The following P4HA1 variants were observed in gnomAD, a reference collection of about 807,000 sequenced individuals.
P4HA1 encodes the protein prolyl 4-hydroxylase subunit alpha 1.
A neutral mutation model predicts 72.8 loss-of-function variants in P4HA1; 24 were observed. That is an observed-to-expected ratio of 0.33 (90% CI 0.24 to 0.46). P4HA1 has a LOEUF of 0.46. Ranked by LOEUF, P4HA1 falls within the 20% of genes least tolerant of loss-of-function variation. The pLI is 1.00. For synonymous variants in P4HA1, 201 were observed against 218.8 expected (o/e 0.92, Z 0.72); for missense variants, 446 against 640.6 (o/e 0.70, Z 3.28).
At chr10:73,084,264 C>A (rs1027538201) in intron 1 of P4HA1, among the ~76,000 whole-genome samples, 2 of 152,132 alleles carry the variant, frequency 1.3e-5, no homozygotes, top group African/African-American at 2.4e-5. Context: ...GCAAACAATT[C>A]CAAATTCAGA....
intron 10 of P4HA1, among the ~76,000 whole-genome samples, chr10:73,017,987 TGG>T (rs111268419): frequency 6.6e-6 from 1 of 152,004 alleles, no homozygotes; most frequent in African/African-American, 2.4e-5. Flanking sequence ...TGTCTTGCTC[TGG>T]GGCCAGTAGC....
chr10:73,044,438 C>G (rs1163139851), intron 9 of P4HA1, among the ~76,000 whole-genome samples: 1 of 152,164 alleles, frequency 6.6e-6, no homozygotes, highest in African/African-American at 2.4e-5. Flanking sequence ...TCTGTTCTTC[C>G]TACTGCCAAC....
rs1167975608 is a variant in P4HA1 at position 73,047,549 on chromosome 10, CAAAAAA to C, written c.901-454_901-449del. On this transcript the variant is annotated intron_variant, in intron 7 of 14. Coordinates refer to ENST00000394890, the MANE Select transcript of P4HA1 (RefSeq NM_001017962.3). Reference sequence around the variant, plus strand: ...ATACCTCACAGTTAAATGCTTGTGGCAAAAAAAAAAAAAAAAAAAAAGGAATTTTTT... The same window carrying C: ...ATACCTCACAGTTAAATGCTTGTGGCAAAAAAAAAAAAAAAGGAATTTTTT... Among the ~76,000 whole-genome samples, 52 of 59,118 alleles carry C rather than the reference CAAAAAA, an allele frequency of 8.8e-4. 1 individual carries two copies. Among genetic ancestry groups the C allele is most frequent in the African/African-American group, 1.9e-3 (44 of 22,676 alleles). 38.8% of individuals were successfully genotyped at this position (59,118 alleles called of 152,430 possible).
At chr10:73,089,451 C>T (rs1841984331) in intron 1 of P4HA1, among the ~76,000 whole-genome samples, 2 of 152,044 alleles carry the variant, frequency 1.3e-5, no homozygotes, top group East Asian at 3.9e-4. Flanking sequence ...TCACATCTAG[C>T]TATTGCACTC....
At position 73,072,118 on chromosome 10, in the gene P4HA1, C is replaced by T; in HGVS notation, c.236G>A (p.Gly79Glu). 6.2e-7 allele frequency: 1 copy of T among 1,613,124 alleles called. No individual in the cohort carries two copies. Among genetic ancestry groups the T allele is most frequent in the African/African-American group, 1.3e-5 (1 of 74,992 alleles). ...TAATTTGAATGCATTTACTGGATGC[C>T]CAACAAATCCTTCTGGATCTTTTGT... ...TATKDPEGFVGHPVNAFKLMK... is the reference protein window; with the variant it reads ...TATKDPEGFVEHPVNAFKLMK... The change falls in exon 4 of 15, where the codon GGG becomes GAG. Residue 79 changes from glycine to glutamate, a missense_variant. Transcript: ENST00000394890.
At position 73,073,737 on chromosome 10, in the gene P4HA1, A is replaced by G; in HGVS notation, c.167T>C (p.Ile56Thr). 1 of 1,457,410 alleles carries G rather than the reference A, an allele frequency of 6.9e-7. No individual in the cohort carries two copies. Among genetic ancestry groups the G allele is most frequent in the Non-Finnish European group, 9.6e-7 (1 of 1,037,720 alleles). The allele number at this position is 1,457,410 out of a possible 1,614,324, so 90.3% of individuals were successfully genotyped here. Reference protein sequence around the residue: ...IKAEEDKLEQIKKWAEKLDRL... With the variant: ...IKAEEDKLEQTKKWAEKLDRL... ...AAGCAAACATTTTGCTTACTTTTTTATTTGTTCTAACTTGTCCTCTTCTGC... is the reference window on the plus strand; with the variant it reads ...AAGCAAACATTTTGCTTACTTTTTTGTTTGTTCTAACTTGTCCTCTTCTGC... The change falls in exon 3 of 15, where the codon ATA becomes ACA. Residue 56 changes from isoleucine to threonine, a missense_variant. By Grantham distance (89) the Ile-to-Thr change is moderately conservative. Transcript: ENST00000394890.
Position 73,011,027 on chromosome 10 carries a change from A to G in P4HA1, c.1379T>C (p.Val460Ala). 2 of 1,613,356 alleles carry G rather than the reference A, an allele frequency of 1.2e-6. No individual in the cohort carries two copies. Among genetic ancestry groups the G allele is most frequent in the Non-Finnish European group, 1.7e-6 (2 of 1,179,414 alleles). Reference sequence around the variant, plus strand: ...AAAAACAGTGGCTCCTCCTGCAGACACATCACTCATCTATAAGAAACAAGA... The same window carrying G: ...AAAAACAGTGGCTCCTCCTGCAGACGCATCACTCATCTATAAGAAACAAGA... Reference protein sequence around the residue: ...IATWLFYMSDVSAGGATVFPE... With the variant: ...IATWLFYMSDASAGGATVFPE... The change falls in exon 13 of 15, where the codon GTG (valine) becomes GCG (alanine). Residue 460 changes from valine (V) to alanine (A), a missense_variant. Coordinates refer to ENST00000394890, the MANE Select transcript of P4HA1 (RefSeq NM_001017962.3).
intron 10 of P4HA1, among the ~76,000 whole-genome samples, chr10:73,021,358 T>C (rs760337100): frequency 5.3e-5 from 8 of 152,156 alleles, no homozygotes; most frequent in East Asian, 1.9e-4. Flanking sequence ...TGAAGAGATA[T>C]CCGCATTCCC....
chr10:73,065,273 A>G (rs1335262213), intron 5 of P4HA1: 4 of 152,212 alleles, frequency 2.6e-5, no homozygotes, highest in Admixed American at 1.3e-4. Context: ...ATATGGATCT[A>G]TTCAACAAAT....
chr10:73,047,341 T>C (rs1349598955), intron 7 of P4HA1, among the ~76,000 whole-genome samples: 26 of 151,776 alleles, frequency 1.7e-4, no homozygotes, highest in Non-Finnish European at 3.8e-4. Context: ...AGGAGAAAGG[T>C]AGTGTATCTC....
At chr10:73,060,583 C>T (rs948364310) in intron 5 of P4HA1, among the ~76,000 whole-genome samples, 1 of 152,072 alleles carries the variant, frequency 6.6e-6, no homozygotes, top group Non-Finnish European at 1.5e-5. Context: ...GAACCTATCT[C>T]TTAAGGGGGG....
chr10:73,064,130 A>T (rs1364451260), intron 5 of P4HA1, among the ~76,000 whole-genome samples: 5 of 152,334 alleles, frequency 3.3e-5, no homozygotes, highest in East Asian at 3.9e-4. Context: ...AATTGAAAGT[A>T]AACTAACACT....
chr10:73,063,353 G>A (rs112388936), intron 5 of P4HA1, among the ~76,000 whole-genome samples: 7,587 of 152,162 alleles, frequency 0.05, 608 homozygotes, highest in African/African-American at 0.17. Context: ...GAGAGCTAGT[G>A]GCTGCATAAA....
intron 10 of P4HA1, among the ~76,000 whole-genome samples, chr10:73,026,230 A>G (rs150626169): frequency 5.4e-4 from 82 of 152,332 alleles, no homozygotes; most frequent in African/African-American, 2.0e-3. Context: ...AGTAACCAAA[A>G]TAGCATAGTA....
chr10:73,022,391 C>A (rs1199254248), intron 10 of P4HA1, among the ~76,000 whole-genome samples: 1 of 152,186 alleles, frequency 6.6e-6, no homozygotes, highest in African/African-American at 2.4e-5. Flanking sequence ...CTCCAACAGA[C>A]CTGCAGCTGA....
chr10:73,084,046 C>T (rs903783165), intron 1 of P4HA1, among the ~76,000 whole-genome samples: 1 of 152,190 alleles, frequency 6.6e-6, no homozygotes, highest in Non-Finnish European at 1.5e-5. Context: ...ATGAATTCCA[C>T]AGCTCTGCTT....
chr10:73,010,738 A>G (rs918350599), intron 13 of P4HA1, among the ~76,000 whole-genome samples: 2 of 152,102 alleles, frequency 1.3e-5, no homozygotes, highest in Admixed American at 6.6e-5. Flanking sequence ...GCATGGTGAC[A>G]TGCACCTGTA....
chr10:73,054,739 C>A (rs1167708281), intron 5 of P4HA1, among the ~76,000 whole-genome samples: 1 of 152,206 alleles, frequency 6.6e-6, no homozygotes, highest in Non-Finnish European at 1.5e-5. Flanking sequence ...ATTCCAATTT[C>A]TCCACATCCT....
chr10:73,022,679 C>G (rs1393341918), intron 10 of P4HA1, among the ~76,000 whole-genome samples: 1 of 152,026 alleles, frequency 6.6e-6, no homozygotes, highest in African/African-American at 2.4e-5. Context: ...TTCAGAAGGT[C>G]GGTAATAACA....
Sources: gnomAD v4.1 joint callset for allele counts (sites outside exome capture counted in the v4.1 genomes callset) on GRCh38, gnomAD v4.1.1 for gene constraint, MANE v1.5 for transcripts, NCBI Gene and HGNC (gene_info 2026-07-23, HGNC 2026-07-21) for gene names.